MORC3: variants seen among roughly 807,000 people sequenced by gnomAD.
The protein encoded by MORC3 is MORC family CW-type zinc finger 3, also known as MORC family CW-type zinc finger protein 3.
In MORC3, 31 loss-of-function variants were observed where a neutral mutation model predicts 109.1. The ratio of observed to expected loss-of-function variants is 0.28; its 90% confidence interval spans 0.21 to 0.38. The LOEUF is 0.38. Among genes scored for constraint, MORC3 ranks in the 10% least tolerant of loss-of-function variants. The pLI is 1.00. For synonymous variants in MORC3, 395 were observed against 380.7 expected (o/e 1.04, Z -0.44); for missense variants, 867 against 1,135.8 (o/e 0.76, Z 3.40).
intron 5 of MORC3, chr21:36,339,501 CAAAAAAAAAA>C (rs55863855): frequency 9.9e-6 from 1 of 101,444 alleles, no homozygotes; most frequent in South Asian, 4.0e-4. Context: ...CCCGTCTTCT[CAAAAAAAAAA>C]AAAAAAAAAG....
In MORC3 at chr21:36,352,407, G is replaced by A. The variant is rs888455831; in HGVS notation, c.1103+2999G>A. Among the ~76,000 whole-genome samples, 30 of 143,866 alleles carry A rather than the reference G, an allele frequency of 2.1e-4. No individual in the cohort carries two copies. In the East Asian group the frequency reaches 3.1e-3, roughly 15 times the overall value. 94.4% of individuals were successfully genotyped at this position (143,866 alleles called of 152,430 possible). A position where few individuals can be genotyped will look rare whatever the true frequency, so the allele number is the denominator to read the frequency against. On this transcript the variant is annotated intron_variant, in intron 9 of 16. Coordinates refer to ENST00000400485, the MANE Select transcript of MORC3 (RefSeq NM_015358.3). ...GGCCAAAAAAAAGGGGTGGGGGGGG[G>A]CAGGTTGAAAAGGAAGACATAAAGC...
At chr21:36,329,684 C>A (rs1283361045) in intron 1 of MORC3, among the ~76,000 whole-genome samples, 1 of 152,108 alleles carries the variant, frequency 6.6e-6, no homozygotes, top group Non-Finnish European at 1.5e-5. Flanking sequence ...TGGGGTCAGA[C>A]CTGCTTCATT....
intron 9 of MORC3, among the ~76,000 whole-genome samples, chr21:36,351,951 A>T (rs1053156162): frequency 6.6e-6 from 1 of 152,222 alleles, no homozygotes; most frequent in African/African-American, 2.4e-5. Flanking sequence ...CCTTGTTAGT[A>T]AGCTCAAGAG....
At chr21:36,346,690 G>C (rs1398539390) in intron 8 of MORC3, among the ~76,000 whole-genome samples, 1 of 151,738 alleles carries the variant, frequency 6.6e-6, no homozygotes, top group Non-Finnish European at 1.5e-5. Flanking sequence ...CATGCCTGTG[G>C]TCCCAGCTAC....
chr21:36,320,676 G>C (rs942356705), intron 1 of MORC3: 1 of 219,450 alleles, frequency 4.6e-6, no homozygotes, highest in Non-Finnish European at 8.9e-6. Context: ...GTCGTGGTGG[G>C]AGGGAGCGGG....
At chr21:36,341,376 C>G in intron 5 of MORC3, 23 bp from the exon 6 acceptor site, 1 of 1,590,706 alleles carries the variant, frequency 6.3e-7, no homozygotes, top group Non-Finnish European at 8.5e-7. Context: ...AATTTTGGTT[C>G]TTTCTAAAAA....
chr21:36,375,330 A>G lies in MORC3; in HGVS notation c.*34A>G, dbSNP rs2085917921. ...TTATGTAAGATAAAATATTTGCTCA[A>G]TTCTTTTGGTTGTACAGCTTTCAAA... On this transcript the variant is annotated 3_prime_UTR_variant, in exon 17 of 17. Coordinates refer to ENST00000400485, the MANE Select transcript of MORC3 (RefSeq NM_015358.3). 6.4e-7 allele frequency: 1 copy of G among 1,567,198 alleles called. No individual in the cohort carries two copies. The highest frequency in any genetic ancestry group is 8.7e-7 in the Non-Finnish European group (1 of 1,148,346).
At chr21:36,359,266 C>G (rs1379139937) in intron 10 of MORC3, among the ~76,000 whole-genome samples, 1 of 152,012 alleles carries the variant, frequency 6.6e-6, no homozygotes. Context: ...TTCAAATTGG[C>G]TTGTGACTTT....
rs1173159221 is a variant in MORC3 at position 36,372,519 on chromosome 21, T to C, written c.2654T>C (p.Met885Thr). 1 of 1,582,178 alleles carries C rather than the reference T, an allele frequency of 6.3e-7. No homozygotes were observed. The highest frequency in any genetic ancestry group is 1.2e-5 in the South Asian group (1 of 84,834). The change falls in exon 16 of 17, where the codon ATG becomes ACG. Residue 885 changes from methionine to threonine, a missense_variant. Around this residue, in one of 7 missense-constraint regions of MORC3, gnomAD observed 486 missense variants for 502.1 expected, o/e 0.97. Coordinates refer to ENST00000400485, the MANE Select transcript of MORC3 (RefSeq NM_015358.3). The part of the protein sequence containing the change: ...SSNIEESVNH[M>T]DGESLKLRSL... ...AACATTGAGGAGTCTGTAAATCATATGGATGGAGAAAGGTAATATTAAATG... is the reference window on the plus strand; with the variant it reads ...AACATTGAGGAGTCTGTAAATCATACGGATGGAGAAAGGTAATATTAAATG...
intron 1 of MORC3, among the ~76,000 whole-genome samples, chr21:36,326,381 C>T (rs905882440): frequency 1.3e-5 from 2 of 151,618 alleles, no homozygotes; most frequent in Non-Finnish European, 2.9e-5. Flanking sequence ...AAAAAATTAG[C>T]CGGGCATGGT....
intron 1 of MORC3, among the ~76,000 whole-genome samples, chr21:36,321,156 T>TCGAA (rs1283536986): frequency 6.6e-6 from 1 of 152,212 alleles, no homozygotes; most frequent in African/African-American, 2.4e-5. Context: ...TAGTGACTCC[T>TCGAA]TGGGGTACAA....
rs766635724 is a variant in MORC3, at chr21:36,369,734, C to T, written c.2366C>T (p.Ala789Val). Residue 789 changes from alanine (A) to valine (V), a missense_variant, in exon 15 of 17, where the codon GCT becomes GTT. Ala to Val is a moderately conservative substitution (Grantham distance 64, BLOSUM62 0). This residue lies in a region of MORC3 where 486 missense variants were observed against 502.1 expected (regional missense o/e 0.97). Transcript: ENST00000400485. ...GAAAGGCTGAAAAAACAATGTAGTG[C>T]TTTGCAACATGTAAAGGCTGAATGC... is the stretch of plus-strand genomic sequence containing the variant. ...EIERLKKQCS[A>V]LQHVKAECSQ... is the part of the protein sequence containing the mutation. 1 of 1,614,160 alleles carries T rather than the reference C, an allele frequency of 6.2e-7. No homozygotes were observed. The highest frequency in any genetic ancestry group is 1.1e-5 in the South Asian group (1 of 91,082).
At chr21:36,335,431 T>G (rs1366746430) in intron 2 of MORC3, among the ~76,000 whole-genome samples, 1 of 150,340 alleles carries the variant, frequency 6.7e-6, no homozygotes, top group Non-Finnish European at 1.5e-5. Flanking sequence ...CACTTGTCCC[T>G]CAGCCTCCCG....
chr21:36,323,343 A>G (rs1444307424), intron 1 of MORC3, among the ~76,000 whole-genome samples: 1 of 152,188 alleles, frequency 6.6e-6, no homozygotes, highest in Non-Finnish European at 1.5e-5. Context: ...TCTTTGTGCC[A>G]GAGTTTCCAA....
intron 1 of MORC3, among the ~76,000 whole-genome samples, chr21:36,329,209 C>T (rs925762247): frequency 5.9e-5 from 9 of 151,878 alleles, no homozygotes; most frequent in Non-Finnish European, 1.0e-4. Flanking sequence ...GCAGGAGAAT[C>T]GCTTGAACCC....
chr21:36,338,073 C>A, intron 4 of MORC3, 127 bp downstream of exon 4: 1 of 928,774 alleles, frequency 1.1e-6, no homozygotes, highest in Non-Finnish European at 1.6e-6. Context: ...TTACCTCTGT[C>A]CTCTGCATTT....
intron 1 of MORC3, among the ~76,000 whole-genome samples, chr21:36,326,221 A>T (rs546548199): frequency 6.6e-6 from 1 of 151,636 alleles, no homozygotes; most frequent in Non-Finnish European, 1.5e-5. Flanking sequence ...CAAAAAAAAT[A>T]GAATAAATTA....
rs142185778 is a variant in MORC3 at position 36,367,264 on chromosome 21, C to A, written c.1620-1724C>A. Among the ~76,000 whole-genome samples, 8 of 152,318 alleles carry A rather than the reference C, an allele frequency of 5.3e-5. No homozygotes were observed. The East Asian group carries it at 1.5e-3, about 29-fold the overall frequency. ...TCAGAAATCCACCCTTCCCTCCTCACTGGGCTCCAAGAGAGAAGCCCTAAA... is the reference window on the plus strand; with the variant it reads ...TCAGAAATCCACCCTTCCCTCCTCAATGGGCTCCAAGAGAGAAGCCCTAAA... On this transcript the variant is annotated intron_variant, in intron 14 of 16. Coordinates refer to ENST00000400485, the MANE Select transcript of MORC3 (RefSeq NM_015358.3).
At chr21:36,362,669 A>T (rs1175462642) in intron 13 of MORC3, among the ~76,000 whole-genome samples, 1 of 151,992 alleles carries the variant, frequency 6.6e-6, no homozygotes, top group Non-Finnish European at 1.5e-5. Context: ...GAGCCACCAC[A>T]CCTGTCCAAG....
Sources: gnomAD v4.1 joint callset for allele counts (sites outside exome capture counted in the v4.1 genomes callset) on GRCh38, gnomAD v4.1.1 for gene constraint, gnomAD v4.1.1 regional missense constraint, MANE v1.5 for transcripts, NCBI Gene and HGNC (gene_info 2026-07-23, HGNC 2026-07-21) for gene names.